Variants in NTM observed in about 807,000 individuals in gnomAD.
NTM encodes the protein IgLON family member 2.
In NTM, 13 loss-of-function variants were observed where a neutral mutation model predicts 42.1. The ratio of observed to expected loss-of-function variants is 0.31; its 90% CI spans 0.20 to 0.49. The LOEUF is 0.49. Among genes scored for constraint, NTM ranks in the 20% least tolerant of loss-of-function variants. The pLI is 0.99. For synonymous variants in NTM, 187 were observed against 179.2 expected (o/e 1.04, Z -0.35); for missense variants, 373 against 452.8 (o/e 0.82, Z 1.60).
intron 2 of NTM, among the ~76,000 whole-genome samples, chr11:131,948,364 C>CAAAAAAAAAA (rs61645846): frequency 1.1e-5 from 1 of 92,704 alleles, no homozygotes; most frequent in East Asian, 3.8e-4. Context: ...GACTCCATCT[C>CAAAAAAAAAA]AAAAAAAACA....
At chr11:132,070,811 T>A in intron 2 of NTM, among the ~76,000 whole-genome samples, 1 of 140,906 alleles carries the variant, frequency 7.1e-6, no homozygotes. Context: ...CCGTCACAGG[T>A]TAGTTAACAC....
chr11:131,945,181 C>G (rs540006151), intron 2 of NTM, among the ~76,000 whole-genome samples: 1 of 152,216 alleles, frequency 6.6e-6, no homozygotes, highest in Admixed American at 6.5e-5. Flanking sequence ...CAATTTTTAG[C>G]TATTTGTGTA....
intron 1 of NTM, among the ~76,000 whole-genome samples, chr11:131,490,304 A>G (rs1051901040): frequency 6.6e-6 from 1 of 152,216 alleles, no homozygotes; most frequent in Non-Finnish European, 1.5e-5. Flanking sequence ...CTCAAAGCCA[A>G]TACCACAAGT....
At chr11:132,183,992 G>A (rs958066166) in intron 3 of NTM, among the ~76,000 whole-genome samples, 1 of 152,164 alleles carries the variant, frequency 6.6e-6, no homozygotes, top group African/African-American at 2.4e-5. Flanking sequence ...AAAAAGGACC[G>A]ACCGTGTCTT....
chr11:131,795,291 G>A (rs1354080191), intron 1 of NTM: 8 of 593,742 alleles, frequency 1.3e-5, no homozygotes, highest in Non-Finnish European at 1.5e-5. Flanking sequence ...TTGTTGTTAG[G>A]ATTTAATGAG....
At chr11:131,455,888 G>A (rs192739963) in intron 1 of NTM, among the ~76,000 whole-genome samples, 14 of 152,340 alleles carry the variant, frequency 9.2e-5, no homozygotes, top group African/African-American at 1.2e-4. Context: ...CAAGAATTGC[G>A]TTTTGAGGCC....
chr11:131,786,251 A>C (rs553535936), intron 1 of NTM, among the ~76,000 whole-genome samples: 1 of 152,360 alleles, frequency 6.6e-6, no homozygotes, highest in South Asian at 2.1e-4. Context: ...TTCAGCATTC[A>C]TTCTGTGGAA....
intron 2 of NTM, among the ~76,000 whole-genome samples, chr11:131,948,580 A>G (rs530820755): frequency 1.3e-5 from 2 of 152,238 alleles, no homozygotes; most frequent in South Asian, 2.1e-4. Context: ...TTGTCCTAAA[A>G]TCAGTGTGTC....
chr11:131,844,392 A>G (rs2044663761), intron 1 of NTM, among the ~76,000 whole-genome samples: 1 of 151,950 alleles, frequency 6.6e-6, no homozygotes, highest in Non-Finnish European at 1.5e-5. Flanking sequence ...TCTGAAATGC[A>G]TTTTGCTATC....
chr11:132,030,038 T>C (rs893235384), intron 2 of NTM, among the ~76,000 whole-genome samples: 1 of 152,200 alleles, frequency 6.6e-6, no homozygotes, highest in Non-Finnish European at 1.5e-5. Context: ...TTGTTTTGTC[T>C]TATTGAGCAA....
At chr11:132,123,787 C>T (rs2065220548) in intron 2 of NTM, among the ~76,000 whole-genome samples, 1 of 152,148 alleles carries the variant, frequency 6.6e-6, no homozygotes, top group South Asian at 2.1e-4. Context: ...TAGAGAACCA[C>T]GCATGTGCCG....
chr11:131,829,034 C>A (rs2042482245), intron 1 of NTM, among the ~76,000 whole-genome samples: 1 of 151,954 alleles, frequency 6.6e-6, no homozygotes. Flanking sequence ...CAAGCACTCA[C>A]ACATACTTAT....
intron 1 of NTM, among the ~76,000 whole-genome samples, chr11:131,743,305 T>A (rs773196442): frequency 1.3e-5 from 2 of 152,160 alleles, no homozygotes; most frequent in East Asian, 3.9e-4. Flanking sequence ...CTGGTAGTTA[T>A]TTAAGAAATA....
intron 1 of NTM, among the ~76,000 whole-genome samples, chr11:131,778,720 C>T (rs560286872): frequency 1.3e-5 from 2 of 152,248 alleles, no homozygotes; most frequent in East Asian, 3.9e-4. Context: ...ACTCTCTTTC[C>T]CATTTTCTCA....
chr11:131,581,206 G>A (rs2058378780), intron 1 of NTM, among the ~76,000 whole-genome samples: 1 of 152,216 alleles, frequency 6.6e-6, no homozygotes, highest in African/African-American at 2.4e-5. Context: ...CACTGCTCTT[G>A]CGGGTTGCTG....
intron 1 of NTM, among the ~76,000 whole-genome samples, chr11:131,626,737 A>T (rs1388061578): frequency 6.6e-6 from 1 of 152,222 alleles, no homozygotes; most frequent in Non-Finnish European, 1.5e-5. Context: ...CTTATTCTCC[A>T]TCTGTGACCT....
intron 4 of NTM, among the ~76,000 whole-genome samples, chr11:132,213,148 T>TTATGTATG (rs1225922064): frequency 5.3e-5 from 8 of 152,124 alleles, no homozygotes; most frequent in African/African-American, 1.7e-4. Flanking sequence ...GTGTATGTGA[T>TTATGTATG]TATGTATGTA....
At chr11:131,961,692 T>G (rs2062189528) in intron 2 of NTM, among the ~76,000 whole-genome samples, 1 of 151,860 alleles carries the variant, frequency 6.6e-6, no homozygotes, top group South Asian at 2.1e-4. Flanking sequence ...CCTGCAAGAG[T>G]GGCCGGCAGT....
At chr11:131,874,520 T>C (rs1565660494) in intron 1 of NTM, among the ~76,000 whole-genome samples, 2 of 152,172 alleles carry the variant, frequency 1.3e-5, no homozygotes, top group Non-Finnish European at 2.9e-5. Flanking sequence ...ATTGACTAAG[T>C]TTCTTAATTG....
Sources: gnomAD v4.1 joint callset for allele counts (sites outside exome capture counted in the v4.1 genomes callset) on GRCh38, gnomAD v4.1.1 for gene constraint, MANE v1.5 for transcripts, NCBI Gene and HGNC (gene_info 2026-07-23, HGNC 2026-07-21) for gene names.